The following ZNF514 variants were observed in gnomAD, a reference collection of about 807,000 sequenced individuals.
The protein encoded by ZNF514 is zinc finger protein 514.
A neutral mutation model predicts 9.7 loss-of-function variants in ZNF514; 12 were observed. That is an observed-to-expected ratio of 1.24 (90% confidence interval 0.79 to 2.01). The LOEUF (loss-of-function observed/expected upper bound fraction) is 2.01, where lower values mean the gene tolerates loss of function less well. ZNF514 is among the 30% of genes most tolerant of loss of function. The pLI, the probability that ZNF514 is intolerant of heterozygous loss-of-function variation, is 0.00. For synonymous variants in ZNF514, 158 were observed against 163.7 expected (o/e 0.97, Z 0.27); for missense variants, 467 against 465.5 (o/e 1.00, Z -0.03).
chr2:95,157,286 G>T, intron 2 of ZNF514, 65 bp downstream of exon 2: 1 of 1,065,664 alleles, frequency 9.4e-7, no homozygotes, highest in Non-Finnish European at 1.3e-6. Flanking sequence ...GCTACTTTTT[G>T]GTGAAAAGTA....
chr2:95,132,340 T>C, the ZNF514 span, among the ~76,000 whole-genome samples: 4 of 151,870 alleles, frequency 2.6e-5, no homozygotes, highest in Admixed American at 2.6e-4. Context: ...CCAAAAAAGA[T>C]GTACAGAAGG....
In ZNF514 at chr2:95,146,279, C is replaced by G. The variant is rs564817596; in HGVS notation, c.*3003G>C. 6.6e-6 allele frequency among the ~76,000 whole-genome samples: 1 copy of G among 152,108 alleles called. No homozygotes were observed. The highest frequency in any genetic ancestry group is 2.4e-5 in the African/African-American group (1 of 41,416). The stretch of plus-strand genomic sequence containing the variant: ...ATTTAAATAGATCAAGACAGTGATA[C>G]GATTTACCACAAGTCTAGATATTGT... On this transcript the variant is annotated 3_prime_UTR_variant, in exon 5 of 5. Transcript: ENST00000295208.
chr2:95,149,144 T>C lies in ZNF514; in HGVS notation c.*138A>G, dbSNP rs1673444581. On this transcript the variant is annotated 3_prime_UTR_variant, in exon 5 of 5. Coordinates refer to ENST00000295208, the MANE Select transcript of ZNF514 (RefSeq NM_032788.3). ...TCTTGACATTGACAGGGATTCTCTT[T>C]AGTAATTATTGCCTGATGTGGAACA... The C allele has an allele frequency of 4.5e-6, 5 of 1,099,544 alleles. No homozygotes were observed. In the South Asian group the frequency reaches 8.8e-5, roughly 19 times the overall value. 68.1% of individuals were successfully genotyped at this position (1,099,544 alleles called of 1,614,324 possible). A position where few individuals can be genotyped will look rare whatever the true frequency, so the allele number is the denominator to read the frequency against.
chr2:95,139,600 T>TG, the ZNF514 span, among the ~76,000 whole-genome samples: 25 of 53,190 alleles, frequency 4.7e-4, no homozygotes, highest in Non-Finnish European at 7.8e-4. Flanking sequence ...GTAAATAACT[T>TG]GATTTTTTTT....
the ZNF514 span, among the ~76,000 whole-genome samples, chr2:95,132,135 A>C: frequency 7.6e-6 from 1 of 130,986 alleles, no homozygotes; most frequent in Admixed American, 8.8e-5. Flanking sequence ...ACAGAGCAAG[A>C]CTCTGTCTCA....
At chr2:95,133,184 C>T in the ZNF514 span, among the ~76,000 whole-genome samples, 6 of 152,078 alleles carry the variant, frequency 3.9e-5, no homozygotes, top group Non-Finnish European at 8.8e-5. Flanking sequence ...AAAAGCCAAT[C>T]TTGGCCAGGC....
downstream of ZNF514, among the ~76,000 whole-genome samples, chr2:95,140,680 G>A (rs1008868086): frequency 2.6e-5 from 4 of 151,152 alleles, no homozygotes; most frequent in Admixed American, 2.0e-4. Flanking sequence ...AAAGGCATAA[G>A]AATGATACAA....
In ZNF514 at chr2:95,149,429, G is replaced by A. The variant is rs750736433; in HGVS notation, c.1056C>T (p.Ala352=). Residue 352 remains alanine (A), a synonymous_variant, in exon 5 of 5, where the codon GCC becomes GCT. Transcript: ENST00000295208. ...GAGTGAGAGATGAACTCTGGCTGAA[G>A]GCTCTCCCACATTTATTACATTTGT... ...KPYKCNKCGR[A]FSQSSSLTQH... is the part of the protein sequence containing the mutation. The A allele has an allele frequency of 5.0e-6, 8 of 1,613,972 alleles. No individual in the cohort carries two copies. The Admixed American group carries it at 6.7e-5, about 13-fold the overall frequency.
intron 1 of ZNF514, among the ~76,000 whole-genome samples, chr2:95,158,276 G>T (rs1673740764): frequency 5.3e-5 from 8 of 152,262 alleles, no homozygotes; most frequent in Admixed American, 3.9e-4. Flanking sequence ...ATTAACAAGG[G>T]TATAAAGGAA....
chr2:95,150,220 T>G lies in ZNF514; in HGVS notation c.265A>C (p.Ile89Leu), dbSNP rs748541279. The G allele has an allele frequency of 2.1e-4, 329 of 1,601,338 alleles. 1 individual carries two copies. Among genetic ancestry groups the G allele is most frequent in the Middle Eastern group, 9.9e-4 (6 of 6,032 alleles). Reference sequence around the variant, plus strand: ...ACCTGGAATAATTCTTCTTTGGAAATTCCCCAACTTGGCATTGATTCCTTG... The same window carrying G: ...ACCTGGAATAATTCTTCTTTGGAAAGTCCCCAACTTGGCATTGATTCCTTG... ...KSKESMPSWG[I>L]SKEELFQVVS... Residue 89 changes from isoleucine (I) to leucine (L), a missense_variant, in exon 5 of 5, where the codon ATT (isoleucine) becomes CTT (leucine). Transcript: ENST00000295208.
chr2:95,158,985 G>C (rs1351862385), intron 1 of ZNF514: 3 of 1,286,220 alleles, frequency 2.3e-6, no homozygotes, highest in Non-Finnish European at 3.0e-6. Context: ...GGAGTCCATA[G>C]CTGGGGCTAA....
At chr2:95,139,363 C>T in the ZNF514 span, among the ~76,000 whole-genome samples, 55 of 152,354 alleles carry the variant, frequency 3.6e-4, no homozygotes, top group East Asian at 6.2e-3. Context: ...CATGGAAAAG[C>T]CACAGAGGTG....
At chr2:95,123,454 G>T in the ZNF514 span, among the ~76,000 whole-genome samples, 1 of 152,334 alleles carries the variant, frequency 6.6e-6, no homozygotes, top group East Asian at 1.9e-4. Flanking sequence ...CCACTGGGAG[G>T]ATTTCCCTTC....
the ZNF514 span, among the ~76,000 whole-genome samples, chr2:95,133,045 C>A: frequency 1.3e-5 from 2 of 152,152 alleles, no homozygotes; most frequent in African/African-American, 4.8e-5. Context: ...TCCCATGCAT[C>A]TTTCAATGGG....
rs1470952579 is a variant in ZNF514 at position 95,149,297 on chromosome 2, T to C, written c.1188A>G (p.Gly396=). ...SLIKHQRSHA[G]KKTL Reference sequence around the variant, plus strand: ...TTCACTGAATTTATAGGGTTTTTTTTCCAGCATGACTTCTCTGATGTTTAA... The same window carrying C: ...TTCACTGAATTTATAGGGTTTTTTTCCCAGCATGACTTCTCTGATGTTTAA... The change falls in exon 5 of 5, where the codon GGA becomes GGG. Residue 396 remains glycine (G), a synonymous_variant. Coordinates refer to ENST00000295208, the MANE Select transcript of ZNF514 (RefSeq NM_032788.3). 4 of 1,575,142 alleles carry C rather than the reference T, an allele frequency of 2.5e-6. No individual in the cohort carries two copies. The highest frequency in any genetic ancestry group is 1.4e-5 in the African/African-American group (1 of 73,128).
chr2:95,128,253 GGT>G, the ZNF514 span, among the ~76,000 whole-genome samples: 1 of 152,128 alleles, frequency 6.6e-6, no homozygotes, highest in African/African-American at 2.4e-5. Flanking sequence ...AGCCAGGCAT[GGT>G]GGCAGGTGCC....
chr2:95,149,744 A>G lies in ZNF514; in HGVS notation c.741T>C (p.Leu247=), dbSNP rs771435028. ...CGRAFGHISS[L]IKHQRTHTGE... is the part of the protein sequence containing the mutation. ...CAGTATGAGTTCTTTGATGTTTAAT[A>G]AGGGATGAAATATGACCAAAGGCTC... is the stretch of plus-strand genomic sequence containing the variant. The change falls in exon 5 of 5, where the codon CTT becomes CTC. Residue 247 remains leucine, a synonymous_variant. Transcript: ENST00000295208. The G allele has an allele frequency of 1.2e-6, 2 of 1,614,116 alleles. No individual in the cohort carries two copies. The highest frequency in any genetic ancestry group is 2.7e-5 in the African/African-American group (2 of 74,928).
At chr2:95,143,089 C>T (rs1024974448), downstream of ZNF514, among the ~76,000 whole-genome samples, 1 of 152,134 alleles carries the variant, frequency 6.6e-6, no homozygotes, top group Non-Finnish European at 1.5e-5. Flanking sequence ...CAGATGATTG[C>T]CATAATGATA....
chr2:95,139,065 C>T, the ZNF514 span, among the ~76,000 whole-genome samples: 2 of 152,366 alleles, frequency 1.3e-5, no homozygotes, highest in African/African-American at 4.8e-5. Flanking sequence ...GTAGCTTTCA[C>T]GTGGTATTAA....
Sources: allele counts gnomAD v4.1 joint callset (sites outside exome capture counted in the v4.1 genomes callset), GRCh38; gene constraint gnomAD v4.1.1; transcripts MANE v1.5; gene names NCBI Gene and HGNC (gene_info 2026-07-23, HGNC 2026-07-21).